ITGA9: variants seen among roughly 807,000 people sequenced by gnomAD.
ITGA9 encodes the protein integrin subunit alpha 9.
In ITGA9, 56 loss-of-function variants were observed where a neutral mutation model predicts 127.8. The observed-to-expected ratio is 0.44, with a 90% CI of 0.35 to 0.55. The LOEUF is 0.55. Ranked by LOEUF, ITGA9 falls within the 20% of genes least tolerant of loss-of-function variation. The probability of loss-of-function intolerance (pLI) is 0.00; values close to 1 mark genes in which losing one functional copy is unlikely to be tolerated. For synonymous variants in ITGA9, 508 were observed against 514.5 expected (o/e 0.99, Z 0.17); for missense variants, 1,196 against 1,347.1 (o/e 0.89, Z 1.76).
intron 17 of ITGA9, among the ~76,000 whole-genome samples, chr3:37,655,342 C>G (rs1289663916): frequency 6.6e-6 from 1 of 152,216 alleles, no homozygotes; most frequent in African/African-American, 2.4e-5. Flanking sequence ...TTCTCCACAT[C>G]CTCTCCAGCA....
intron 18 of ITGA9, among the ~76,000 whole-genome samples, chr3:37,711,569 C>T (rs1410790111): frequency 6.6e-6 from 1 of 152,082 alleles, no homozygotes; most frequent in African/African-American, 2.4e-5. Flanking sequence ...ACGTCCTGCT[C>T]ATTTTTTAAT....
chr3:37,758,046 G>A (rs1025638490), intron 23 of ITGA9, among the ~76,000 whole-genome samples: 9 of 151,636 alleles, frequency 5.9e-5, no homozygotes, highest in African/African-American at 2.0e-4. Flanking sequence ...ATTGAGGGCC[G>A]GGCGCGGTGG....
chr3:37,680,122 C>T (rs997605568), intron 17 of ITGA9, among the ~76,000 whole-genome samples: 2 of 152,138 alleles, frequency 1.3e-5, no homozygotes, highest in African/African-American at 4.8e-5. Flanking sequence ...GGTTCTCATA[C>T]CAGCACAGCG....
Position 37,732,818 on chromosome 3 carries a change from C to G in ITGA9, c.2154+20C>G. Reference sequence around the variant, plus strand: ...TCAAAGGTAAGGGACACAGACGGGACCCTTCCTCAGCAGCAGGCCCCCAGC... The same window carrying G: ...TCAAAGGTAAGGGACACAGACGGGAGCCTTCCTCAGCAGCAGGCCCCCAGC... On this transcript the variant is annotated intron_variant, in intron 19 of 27. Coordinates refer to ENST00000264741, the MANE Select transcript of ITGA9 (RefSeq NM_002207.3). The G allele has an allele frequency of 6.3e-7, 1 of 1,576,082 alleles. No homozygotes were observed. The highest frequency in any genetic ancestry group is 8.7e-7 in the Non-Finnish European group (1 of 1,153,392).
At chr3:37,602,146 G>T (rs1699928143) in intron 15 of ITGA9, among the ~76,000 whole-genome samples, 1 of 152,152 alleles carries the variant, frequency 6.6e-6, no homozygotes, top group Non-Finnish European at 1.5e-5. Flanking sequence ...AGATTTCAGA[G>T]TGAGACTTGG....
intron 15 of ITGA9, among the ~76,000 whole-genome samples, chr3:37,620,770 A>C (rs9832258): frequency 0.21 from 31,211 of 152,064 alleles, 3,428 homozygotes; most frequent in Middle Eastern, 0.27. Context: ...TCACCCCTCT[A>C]CAAGGATTCT....
At chr3:37,678,279 C>T (rs1015820909) in intron 17 of ITGA9, among the ~76,000 whole-genome samples, 2 of 152,210 alleles carry the variant, frequency 1.3e-5, no homozygotes, top group African/African-American at 2.4e-5. Context: ...CTCGATTTTA[C>T]GTTCCTACCA....
intron 16 of ITGA9, 114 bp from the exon 17 acceptor site, chr3:37,653,599 GC>G (rs1559558934): frequency 1.2e-6 from 1 of 824,580 alleles, no homozygotes; most frequent in African/African-American, 1.7e-5. Context: ...GGGAGTAGAA[GC>G]CCTGAGGGGC....
chr3:37,532,142 G>A (rs1699158484), intron 13 of ITGA9, among the ~76,000 whole-genome samples: 1 of 152,220 alleles, frequency 6.6e-6, no homozygotes, highest in Admixed American at 6.5e-5. Context: ...CACTGCTATT[G>A]TCTGACTTCC....
chr3:37,556,995 C>T (rs1575148766), intron 15 of ITGA9, among the ~76,000 whole-genome samples: 1 of 152,246 alleles, frequency 6.6e-6, no homozygotes, highest in East Asian at 1.9e-4. Flanking sequence ...CTGCCTATTG[C>T]TTGAAGGACA....
At chr3:37,505,670 T>C (rs1559522485) in intron 6 of ITGA9, among the ~76,000 whole-genome samples, 1 of 152,232 alleles carries the variant, frequency 6.6e-6, no homozygotes, top group Non-Finnish European at 1.5e-5. Flanking sequence ...TGTGCATTCA[T>C]TGAGTTTTAC....
intron 23 of ITGA9, among the ~76,000 whole-genome samples, chr3:37,751,670 G>A (rs1696587849): frequency 6.6e-6 from 1 of 152,148 alleles, no homozygotes; most frequent in African/African-American, 2.4e-5. Flanking sequence ...CAAATAGCTG[G>A]CTTGCATGGA....
At chr3:37,776,110 T>G (rs1327071376) in intron 23 of ITGA9, among the ~76,000 whole-genome samples, 1 of 152,114 alleles carries the variant, frequency 6.6e-6, no homozygotes, top group Non-Finnish European at 1.5e-5. Context: ...ATGATCTCAA[T>G]GATAAGTGGG....
chr3:37,614,597 G>A (rs968982000), intron 15 of ITGA9, among the ~76,000 whole-genome samples: 5 of 151,336 alleles, frequency 3.3e-5, no homozygotes, highest in Non-Finnish European at 7.4e-5. Context: ...CTACCCATGA[G>A]CATGGAATGT....
At chr3:37,725,505 T>A (rs1696178619) in intron 18 of ITGA9, among the ~76,000 whole-genome samples, 1 of 152,026 alleles carries the variant, frequency 6.6e-6, no homozygotes, top group African/African-American at 2.4e-5. Context: ...GAGAAGGAAG[T>A]TAAGATTGAA....
intron 25 of ITGA9, among the ~76,000 whole-genome samples, chr3:37,781,520 G>T (rs1174057082): frequency 6.6e-6 from 1 of 152,120 alleles, no homozygotes; most frequent in African/African-American, 2.4e-5. Context: ...GTTTATCACA[G>T]GTGGTTCATT....
At chr3:37,689,168 C>G (rs1048673135) in intron 18 of ITGA9, among the ~76,000 whole-genome samples, 1 of 152,222 alleles carries the variant, frequency 6.6e-6, no homozygotes, top group African/African-American at 2.4e-5. Context: ...ATCACACAGT[C>G]CATTAGTTAT....
At chr3:37,741,187 G>A (rs964064730) in intron 20 of ITGA9, among the ~76,000 whole-genome samples, 5 of 152,160 alleles carry the variant, frequency 3.3e-5, no homozygotes, top group Non-Finnish European at 7.3e-5. Flanking sequence ...GGCAGATTCC[G>A]GCTCCCAGCA....
chr3:37,541,383 G>A (rs138611759), intron 14 of ITGA9, among the ~76,000 whole-genome samples: 3 of 152,302 alleles, frequency 2.0e-5, no homozygotes, highest in Non-Finnish European at 4.4e-5. Context: ...TTACGGAGGG[G>A]ATGACCTCTG....
Sources: allele counts gnomAD v4.1 joint callset (sites outside exome capture counted in the v4.1 genomes callset), GRCh38; gene constraint gnomAD v4.1.1; transcripts MANE v1.5; gene names NCBI Gene and HGNC (gene_info 2026-07-23, HGNC 2026-07-21).